The following TAF3 variants were observed in gnomAD, a reference collection of about 807,000 sequenced individuals.
The protein encoded by TAF3 is transcription initiation factor TFIID subunit 3.
In TAF3, 7 loss-of-function variants were observed where a neutral mutation model predicts 80.6. That is an observed-to-expected ratio of 0.09 (90% CI 0.05 to 0.16). The LOEUF (loss-of-function observed/expected upper bound fraction) is 0.16, where lower values mean the gene tolerates loss of function less well. Among genes scored for constraint, TAF3 ranks in the 10% least tolerant of loss-of-function variants. The pLI, the probability that TAF3 is intolerant of heterozygous loss-of-function variation, is 1.00. For synonymous variants in TAF3, 444 were observed against 446.1 expected (o/e 1.00, Z 0.06); for missense variants, 921 against 1,140.2 (o/e 0.81, Z 2.77).
intron 2 of TAF3, among the ~76,000 whole-genome samples, chr10:7,856,410 G>A (rs1837080441): frequency 6.6e-6 from 1 of 152,156 alleles, no homozygotes; most frequent in Non-Finnish European, 1.5e-5. Flanking sequence ...AACCCAGTAG[G>A]TGGAGGTTGC....
rs564345286 is a variant in TAF3, at chr10:7,967,911, C to T, written c.2232+2169C>T. Among the ~76,000 whole-genome samples the T allele has an allele frequency of 2.6e-5, 4 of 152,182 alleles. No individual in the cohort carries two copies. In the South Asian group the frequency reaches 6.2e-4, roughly 24 times the overall value. ...TTCTTTGGAATATTAGCCCTTGATA[C>T]AAATAGGAAAGGATAAAGGTTAGGA... On this transcript the variant is annotated intron_variant, in intron 3 of 6. Coordinates refer to ENST00000344293, the MANE Select transcript of TAF3 (RefSeq NM_031923.4).
chr10:7,853,397 A>G (rs1284573304), intron 2 of TAF3, among the ~76,000 whole-genome samples: 1 of 152,256 alleles, frequency 6.6e-6, no homozygotes, highest in African/African-American at 2.4e-5. Flanking sequence ...AGCAAATGCT[A>G]CAGATCATGG....
intron 2 of TAF3, among the ~76,000 whole-genome samples, chr10:7,863,624 A>T (rs868521349): frequency 0.1 from 5,756 of 57,316 alleles, 663 homozygotes; most frequent in East Asian, 0.35. Context: ...AAAAAAAAAA[A>T]AAATATATAT....
chr10:8,004,252 T>G (rs1422765184), intron 4 of TAF3, among the ~76,000 whole-genome samples: 2 of 152,096 alleles, frequency 1.3e-5, no homozygotes, highest in Non-Finnish European at 2.9e-5. Flanking sequence ...GGTTTCACCA[T>G]GTTGGCCATG....
At chr10:7,886,989 A>G (rs527783945) in intron 2 of TAF3, among the ~76,000 whole-genome samples, 3 of 152,266 alleles carry the variant, frequency 2.0e-5, no homozygotes, top group Non-Finnish European at 4.4e-5. Flanking sequence ...TAATCCCAGC[A>G]CTTTGGGAGG....
intron 4 of TAF3, among the ~76,000 whole-genome samples, chr10:7,994,466 T>C (rs1831865044): frequency 1.3e-5 from 2 of 152,088 alleles, no homozygotes; most frequent in Admixed American, 1.3e-4. Flanking sequence ...AAACTATGAG[T>C]TTATACTGTT....
intron 4 of TAF3, among the ~76,000 whole-genome samples, chr10:7,986,091 C>T (rs1420455573): frequency 6.6e-6 from 1 of 152,048 alleles, no homozygotes; most frequent in African/African-American, 2.4e-5. Flanking sequence ...GCCTTTCATT[C>T]TCTCTTACCA....
At chr10:7,886,005 T>G (rs1050295439) in intron 2 of TAF3, among the ~76,000 whole-genome samples, 6 of 152,128 alleles carry the variant, frequency 3.9e-5, no homozygotes, top group African/African-American at 1.4e-4. Context: ...GATGGCTCAC[T>G]ACAGCCTCAA....
intron 3 of TAF3, among the ~76,000 whole-genome samples, chr10:7,969,231 A>C (rs1831600050): frequency 6.6e-6 from 1 of 152,100 alleles, no homozygotes; most frequent in Non-Finnish European, 1.5e-5. Flanking sequence ...GCTGCTTGGG[A>C]GGCTAAGGCG....
At chr10:7,821,052 A>G (rs1043668049) in intron 1 of TAF3, among the ~76,000 whole-genome samples, 4 of 152,208 alleles carry the variant, frequency 2.6e-5, no homozygotes, top group Non-Finnish European at 4.4e-5. Context: ...CATTTATACA[A>G]AACAGAAGGG....
intron 2 of TAF3, among the ~76,000 whole-genome samples, chr10:7,947,085 C>T (rs985970769): frequency 6.6e-6 from 1 of 152,110 alleles, no homozygotes; most frequent in Non-Finnish European, 1.5e-5. Flanking sequence ...CTTATACTTG[C>T]TTATACTTTC....
At chr10:7,918,545 T>G (rs1241082926) in intron 2 of TAF3, among the ~76,000 whole-genome samples, 1 of 152,040 alleles carries the variant, frequency 6.6e-6, no homozygotes, top group Non-Finnish European at 1.5e-5. Context: ...GACGGGAATG[T>G]GGGTCCTGGG....
At chr10:7,973,518 T>G (rs1259377639) in intron 3 of TAF3, among the ~76,000 whole-genome samples, 2 of 152,152 alleles carry the variant, frequency 1.3e-5, no homozygotes, top group African/African-American at 4.8e-5. Flanking sequence ...TTGTGTGACC[T>G]CAGAAGAGAA....
At chr10:7,977,162 G>C in intron 3 of TAF3, 79 bp from the exon 4 acceptor site, 4 of 1,338,284 alleles carry the variant, frequency 3.0e-6, no homozygotes, top group Non-Finnish European at 4.3e-6. Context: ...CAGTTTGTGA[G>C]AGTGGGAGAG....
intron 2 of TAF3, among the ~76,000 whole-genome samples, chr10:7,881,063 C>T (rs1837356462): frequency 6.6e-6 from 1 of 151,994 alleles, no homozygotes; most frequent in Non-Finnish European, 1.5e-5. Flanking sequence ...TGGGGAAGCC[C>T]CGTCTCTACA....
At chr10:7,852,061 A>C (rs1837032362) in intron 2 of TAF3, among the ~76,000 whole-genome samples, 1 of 151,916 alleles carries the variant, frequency 6.6e-6, no homozygotes, top group Admixed American at 6.6e-5. Context: ...TGGGATTATA[A>C]GTCTGAGCCA....
intron 2 of TAF3, among the ~76,000 whole-genome samples, chr10:7,889,736 A>G (rs1197401219): frequency 1.3e-5 from 2 of 152,180 alleles, no homozygotes; most frequent in Non-Finnish European, 2.9e-5. Context: ...CTATCTTGTG[A>G]AATAGCCTCG....
chr10:7,926,423 G>A (rs1837815982), intron 2 of TAF3, among the ~76,000 whole-genome samples: 1 of 152,140 alleles, frequency 6.6e-6, no homozygotes, highest in Non-Finnish European at 1.5e-5. Flanking sequence ...CCCTTTTCAA[G>A]TATCTGATTA....
chr10:7,979,168 C>T (rs1027263204), intron 4 of TAF3, among the ~76,000 whole-genome samples: 13 of 151,878 alleles, frequency 8.6e-5, no homozygotes, highest in African/African-American at 3.1e-4. Context: ...CACGGTGAAA[C>T]CCCTTCTCTA....
Sources: allele counts gnomAD v4.1 joint callset (sites outside exome capture counted in the v4.1 genomes callset), GRCh38; gene constraint gnomAD v4.1.1; transcripts MANE v1.5; gene names NCBI Gene and HGNC (gene_info 2026-07-23, HGNC 2026-07-21).